ENTHD1: variants seen among roughly 807,000 people sequenced by gnomAD.
The protein encoded by ENTHD1 is ENTH domain-containing protein 1.
In ENTHD1, 23 loss-of-function variants were observed where a neutral mutation model predicts 39.1. The ratio of observed to expected loss-of-function variants is 0.59; its 90% CI spans 0.42 to 0.83. ENTHD1 has a LOEUF of 0.83. Among genes scored for constraint, ENTHD1 ranks in the 40% least tolerant of loss-of-function variants. The probability of loss-of-function intolerance (pLI) is 0.00; values close to 1 mark genes in which losing one functional copy is unlikely to be tolerated. For missense variants in ENTHD1, 624 were observed against 705.4 expected (o/e 0.88, Z 1.31); for synonymous variants, 230 against 258.2 (o/e 0.89, Z 1.05).
At chr22:39,787,612 C>T (rs899800027) in intron 5 of ENTHD1, among the ~76,000 whole-genome samples, 10 of 152,112 alleles carry the variant, frequency 6.6e-5, no homozygotes, top group African/African-American at 2.4e-4. Flanking sequence ...TAGATCAAAC[C>T]AGCCCCAACA....
chr22:39,804,415 G>T (rs941576020), intron 5 of ENTHD1, among the ~76,000 whole-genome samples: 4 of 139,610 alleles, frequency 2.9e-5, no homozygotes, highest in Non-Finnish European at 6.0e-5. Context: ...GACCCTAGGA[G>T]TTACTGCACT....
At chr22:39,829,494 A>G (rs1180710131) in intron 4 of ENTHD1, among the ~76,000 whole-genome samples, 1 of 152,108 alleles carries the variant, frequency 6.6e-6, no homozygotes, top group Non-Finnish European at 1.5e-5. Context: ...CAAATTTTAA[A>G]ATCATTTTGG....
chr22:39,822,460 A>G (rs1003326752), intron 4 of ENTHD1, among the ~76,000 whole-genome samples: 1 of 152,156 alleles, frequency 6.6e-6, no homozygotes, highest in African/African-American at 2.4e-5. Context: ...GTAATCATAC[A>G]CTATGTATAC....
intron 5 of ENTHD1, among the ~76,000 whole-genome samples, chr22:39,784,543 TAC>T (rs3044403): frequency 0.39 from 55,650 of 142,028 alleles, 12,306 homozygotes; most frequent in Admixed American, 0.54. Context: ...TCTCTCTGTA[TAC>T]ACACACACAC....
intron 6 of ENTHD1, among the ~76,000 whole-genome samples, chr22:39,752,868 C>T (rs1854332678): frequency 6.6e-6 from 1 of 152,200 alleles, no homozygotes. Context: ...CCAGCCTGAC[C>T]AGTAACTCAG....
chr22:39,814,295 C>CAAAAAAAATAAAAAT (rs2065716005), intron 5 of ENTHD1, among the ~76,000 whole-genome samples: 1 of 97,740 alleles, frequency 1.0e-5, no homozygotes, highest in African/African-American at 3.6e-5. Context: ...CCCATCTCTA[C>CAAAAAAAATAAAAAT]AAAAAAAAAA....
chr22:39,811,455 C>T (rs182953348), intron 5 of ENTHD1, among the ~76,000 whole-genome samples: 8 of 152,304 alleles, frequency 5.3e-5, no homozygotes, highest in Admixed American at 2.0e-4. Context: ...AATCACAGAG[C>T]AGACCCCTGG....
Position 39,743,753 on chromosome 22 carries a change from T to C in ENTHD1, c.1750A>G (p.Ser584Gly). 1 of 1,614,180 alleles carries C rather than the reference T, an allele frequency of 6.2e-7. No individual in the cohort carries two copies. The highest frequency in any genetic ancestry group is 1.1e-5 in the South Asian group (1 of 91,088). Residue 584 changes from serine to glycine, a missense_variant, in exon 7 of 7, where the codon AGT (serine) becomes GGT (glycine). Ser to Gly is a moderately conservative substitution (Grantham distance 56). Transcript: ENST00000325157. Reference protein sequence around the residue: ...NVINNILMSMSLNSSQISQSS... With the variant: ...NVINNILMSMGLNSSQISQSS... ...TGGCTTATTTGTGAACTATTCAGAC[T>C]CATGCTCATCAAGATGTTATTGATG... is the stretch of plus-strand genomic sequence containing the variant.
intron 1 of ENTHD1, among the ~76,000 whole-genome samples, chr22:39,892,746 T>C (rs1299707823): frequency 6.6e-6 from 1 of 152,184 alleles, no homozygotes; most frequent in Non-Finnish European, 1.5e-5. Context: ...GGTGGAACTA[T>C]GAGAAAAGAA....
intron 5 of ENTHD1, among the ~76,000 whole-genome samples, chr22:39,819,760 G>C (rs146949444): frequency 2.2e-3 from 334 of 152,300 alleles, no homozygotes; most frequent in African/African-American, 7.8e-3. Context: ...TATGGCAATG[G>C]AAGTTCATTG....
intron 5 of ENTHD1, among the ~76,000 whole-genome samples, chr22:39,820,352 C>T (rs2146648189): frequency 6.6e-6 from 1 of 152,214 alleles, no homozygotes. Flanking sequence ...ATGAAAGATA[C>T]TAATGAGAAC....
At chr22:39,781,248 A>G (rs1297139471) in intron 5 of ENTHD1, among the ~76,000 whole-genome samples, 4 of 152,210 alleles carry the variant, frequency 2.6e-5, no homozygotes, top group African/African-American at 4.8e-5. Flanking sequence ...AGAACAAACC[A>G]TATCTTAGTC....
Position 39,772,261 on chromosome 22 carries a change from G to C in ENTHD1, c.833-6652C>G, listed in dbSNP as rs559010343. 1.1e-3 allele frequency among the ~76,000 whole-genome samples: 175 copies of C among 152,278 alleles called. 2 individuals carry two copies. Among genetic ancestry groups the C allele is most frequent in the Non-Finnish European group, 1.5e-3 (99 of 68,018 alleles). On this transcript the variant is annotated intron_variant, in intron 5 of 6. Transcript: ENST00000325157. The stretch of plus-strand genomic sequence containing the variant: ...GCTCCTATGAGAATCTAATGCCGCT[G>C]CTGATCTGACAGGAGGCGAAGCTCA...
At chr22:39,869,807 AG>A in intron 2 of ENTHD1, among the ~76,000 whole-genome samples, 2 of 151,986 alleles carry the variant, frequency 1.3e-5, no homozygotes, top group Non-Finnish European at 2.9e-5. Context: ...GGAATATAAA[AG>A]TATAAAACAA....
intron 3 of ENTHD1, among the ~76,000 whole-genome samples, chr22:39,847,529 TAAAAATAA>T (rs1285421804): frequency 6.7e-6 from 1 of 149,032 alleles, no homozygotes; most frequent in African/African-American, 2.5e-5. Context: ...TAATAATAAA[TAAAAATAA>T]AAAAATAAAG....
intron 6 of ENTHD1, chr22:39,750,541 T>C (rs1464057411): frequency 2.0e-5 from 3 of 153,542 alleles, no homozygotes; most frequent in Admixed American, 6.5e-5. Context: ...TGAGCTAACT[T>C]TTCTTCACTC....
chr22:39,850,701 ATTC>A (rs1285511442), intron 3 of ENTHD1, among the ~76,000 whole-genome samples: 2 of 151,770 alleles, frequency 1.3e-5, no homozygotes, highest in African/African-American at 4.8e-5. Context: ...TTTAAAGTTT[ATTC>A]TTGAAAGTTT....
At position 39,861,762 on chromosome 22, in the gene ENTHD1, T is replaced by C. The variant is rs370638340; in HGVS notation, c.592+3A>G. On this transcript the variant is annotated splice_donor_region_variant and intron_variant, in intron 3 of 6. Coordinates refer to ENST00000325157, the MANE Select transcript of ENTHD1 (RefSeq NM_152512.4). ...ATTTTAGGCCAATGTTCATTATACG[T>C]ACTTTTATTATGTAACCTTCCAAAC... is the stretch of plus-strand genomic sequence containing the variant. 1.3e-6 allele frequency: 2 copies of C among 1,522,856 alleles called. No individual in the cohort carries two copies. Among genetic ancestry groups the C allele is most frequent in the Non-Finnish European group, 1.8e-6 (2 of 1,125,696 alleles). 94.3% of individuals were successfully genotyped at this position (1,522,856 alleles called of 1,614,324 possible). A position where few individuals can be genotyped will look rare whatever the true frequency, so the allele number is the denominator to read the frequency against.
At chr22:39,858,200 G>A (rs935576189) in intron 3 of ENTHD1, among the ~76,000 whole-genome samples, 14 of 152,176 alleles carry the variant, frequency 9.2e-5, no homozygotes, top group African/African-American at 3.4e-4. Flanking sequence ...TTGCAACAAT[G>A]TTCACAGCTT....
Sources: allele counts gnomAD v4.1 joint callset (sites outside exome capture counted in the v4.1 genomes callset), GRCh38; gene constraint gnomAD v4.1.1; transcripts MANE v1.5; gene names NCBI Gene and HGNC (gene_info 2026-07-23, HGNC 2026-07-21).